PKNOX2: variants seen among roughly 807,000 people sequenced by gnomAD.
The protein encoded by PKNOX2 is homeobox protein PKNOX2.
Under a neutral mutation model 53.1 loss-of-function variants are expected in PKNOX2, and 14 were observed. The ratio of observed to expected loss-of-function variants is 0.26; its 90% CI spans 0.17 to 0.41. PKNOX2 has a LOEUF of 0.41. Ranked by LOEUF, PKNOX2 falls within the 10% of genes least tolerant of loss-of-function variation. PKNOX2 has a pLI of 1.00. For missense variants in PKNOX2, 496 were observed against 602.8 expected, an observed-to-expected ratio of 0.82 and a Z score of 1.85; for synonymous variants, 257 against 242.8, an observed-to-expected ratio of 1.06 and a Z score of -0.54.
At chr11:125,333,535 G>GACACACACAC (rs1267319651) in intron 3 of PKNOX2, among the ~76,000 whole-genome samples, 23 of 131,980 alleles carry the variant, frequency 1.7e-4, no homozygotes, top group African/African-American at 7.3e-4. Flanking sequence ...TCAGTCCCAA[G>GACACACACAC]ACACACACAC....
At chr11:125,231,845 G>A (rs1565474879) in intron 1 of PKNOX2, among the ~76,000 whole-genome samples, 2 of 152,294 alleles carry the variant, frequency 1.3e-5, no homozygotes, top group Non-Finnish European at 2.9e-5. Context: ...TGAAATGATG[G>A]TGAGAGAAGA....
Position 125,361,847 on chromosome 11 carries a change from C to A in PKNOX2, c.88-5999C>A, listed in dbSNP as rs1951941804. On this transcript the variant is annotated intron_variant, in intron 4 of 12. Transcript: ENST00000298282. The stretch of plus-strand genomic sequence containing the variant: ...GCTGAATGCAACTTGGGCCTCCGGG[C>A]TCCAGAAGGCTTGAAGCCCCTGCAG... Among the ~76,000 whole-genome samples, 3 of 152,182 alleles carry A rather than the reference C, an allele frequency of 2.0e-5. No homozygotes were observed. The South Asian group carries it at 6.2e-4, about 31-fold the overall frequency.
intron 2 of PKNOX2, among the ~76,000 whole-genome samples, chr11:125,255,333 G>A (rs918684782): frequency 6.6e-6 from 1 of 152,140 alleles, no homozygotes; most frequent in Non-Finnish European, 1.5e-5. Flanking sequence ...ATTTCCCTGA[G>A]CTCTAGCCTC....
rs533687172 is a variant in PKNOX2 at position 125,210,719 on chromosome 11, C to T, written c.-200-24326C>T. Among the ~76,000 whole-genome samples the T allele has an allele frequency of 4.6e-5, 7 of 152,176 alleles. 1 individual carries two copies. The highest frequency in any genetic ancestry group is 4.2e-4 in the South Asian group (2 of 4,812). On this transcript the variant is annotated intron_variant, in intron 1 of 12. Transcript: ENST00000298282. ...CCGGAAAGTTTCAGACACACCAAGACGAGTTGTCACCCTCACTGTCCCGCC... is the reference window on the plus strand; with the variant it reads ...CCGGAAAGTTTCAGACACACCAAGATGAGTTGTCACCCTCACTGTCCCGCC...
rs1951440499 is a variant in PKNOX2, at chr11:125,353,722, C to G, written c.87+2330C>G. Among the ~76,000 whole-genome samples, 3 of 152,192 alleles carry G rather than the reference C, an allele frequency of 2.0e-5. No homozygotes were observed. In the South Asian group the frequency reaches 6.2e-4, roughly 32 times the overall value. Reference sequence around the variant, plus strand: ...GGGGAAGCTGCCATCTATTTGTAACCCTGGCAATCCATGAGTGAAATGTCT... The same window carrying G: ...GGGGAAGCTGCCATCTATTTGTAACGCTGGCAATCCATGAGTGAAATGTCT... On this transcript the variant is annotated intron_variant, in intron 4 of 12. Coordinates refer to ENST00000298282, the MANE Select transcript of PKNOX2 (RefSeq NM_001382323.2).
intron 2 of PKNOX2, among the ~76,000 whole-genome samples, chr11:125,311,552 G>A (rs1304828555): frequency 6.6e-6 from 1 of 152,200 alleles, no homozygotes; most frequent in Non-Finnish European, 1.5e-5. Context: ...GCAAGAAAGA[G>A]ACATGAAGGG....
intron 3 of PKNOX2, among the ~76,000 whole-genome samples, chr11:125,337,708 G>A (rs896038627): frequency 1.6e-4 from 24 of 150,838 alleles, no homozygotes; most frequent in African/African-American, 5.5e-4. Flanking sequence ...ATTTTGCTAC[G>A]ACTTCATTTC....
chr11:125,333,012 G>A (rs937074171), intron 3 of PKNOX2, among the ~76,000 whole-genome samples: 1 of 152,244 alleles, frequency 6.6e-6, no homozygotes, highest in Non-Finnish European at 1.5e-5. Flanking sequence ...TGAGGGCAAG[G>A]TATCTATGCA....
At chr11:125,388,942 C>A (rs1392560775) in intron 6 of PKNOX2, among the ~76,000 whole-genome samples, 1 of 152,186 alleles carries the variant, frequency 6.6e-6, no homozygotes, top group Non-Finnish European at 1.5e-5. Context: ...TGCCTGTAAT[C>A]CCAGCACTTT....
At chr11:125,198,077 G>A (rs116977980) in intron 1 of PKNOX2, among the ~76,000 whole-genome samples, 2 of 152,184 alleles carry the variant, frequency 1.3e-5, no homozygotes, top group African/African-American at 2.4e-5. Flanking sequence ...ATGGTCCCTC[G>A]TCTGTGTTTC....
At chr11:125,180,316 C>G (rs1373747167) in intron 1 of PKNOX2, among the ~76,000 whole-genome samples, 2 of 152,168 alleles carry the variant, frequency 1.3e-5, no homozygotes, top group East Asian at 3.8e-4. Flanking sequence ...TTTCTTCCCC[C>G]TCTGCTCTAA....
chr11:125,260,768 C>T (rs371169550), intron 2 of PKNOX2, among the ~76,000 whole-genome samples: 39 of 152,136 alleles, frequency 2.6e-4, no homozygotes, highest in East Asian at 1.2e-3. Context: ...GAGGACGTCT[C>T]GCTGTGGCCT....
chr11:125,324,873 G>T (rs1219111375), intron 2 of PKNOX2, among the ~76,000 whole-genome samples: 2 of 152,146 alleles, frequency 1.3e-5, no homozygotes, highest in Non-Finnish European at 2.9e-5. Flanking sequence ...AGAGAGCAAG[G>T]ACTCAGAGGC....
chr11:125,216,581 G>C (rs532178063), intron 1 of PKNOX2, among the ~76,000 whole-genome samples: 1 of 152,300 alleles, frequency 6.6e-6, no homozygotes, highest in Non-Finnish European at 1.5e-5. Context: ...CTATGAGAAG[G>C]GGTGTGTGTT....
intron 5 of PKNOX2, among the ~76,000 whole-genome samples, chr11:125,380,869 G>A (rs567010382): frequency 2.0e-4 from 30 of 152,346 alleles, no homozygotes; most frequent in African/African-American, 6.7e-4. Context: ...GTGGCTGCCA[G>A]CCTCCTCTCA....
intron 1 of PKNOX2, among the ~76,000 whole-genome samples, chr11:125,202,793 C>T (rs665146): frequency 0.46 from 69,847 of 151,998 alleles, 16,446 homozygotes; most frequent in Middle Eastern, 0.55. Context: ...ATTTTTAAAG[C>T]TTTGTTTGAT....
At chr11:125,231,780 G>A (rs1343487473) in intron 1 of PKNOX2, among the ~76,000 whole-genome samples, 6 of 152,116 alleles carry the variant, frequency 3.9e-5, no homozygotes, top group Non-Finnish European at 7.4e-5. Flanking sequence ...TCAAAGGATG[G>A]CTCTTTATTG....
chr11:125,279,408 A>T (rs1946402014), intron 2 of PKNOX2, among the ~76,000 whole-genome samples: 1 of 152,206 alleles, frequency 6.6e-6, no homozygotes, highest in Admixed American at 6.5e-5. Context: ...CTGATAAAGG[A>T]GACCCGAGAA....
intron 10 of PKNOX2, among the ~76,000 whole-genome samples, chr11:125,414,286 G>A (rs537804063): frequency 2.0e-5 from 3 of 152,308 alleles, no homozygotes; most frequent in Non-Finnish European, 2.9e-5. Context: ...CGAAACGCAT[G>A]AGGAGGGGCT....
Sources: allele counts gnomAD v4.1 joint callset (sites outside exome capture counted in the v4.1 genomes callset), GRCh38; gene constraint gnomAD v4.1.1; transcripts MANE v1.5; gene names NCBI Gene and HGNC (gene_info 2026-07-23, HGNC 2026-07-21).